Variants in TANC1 observed in about 807,000 individuals in gnomAD.
TANC1 encodes the protein tetratricopeptide repeat, ankyrin repeat and coiled-coil containing 1, also known as protein TANC1.
Under a neutral mutation model 149.7 loss-of-function variants are expected in TANC1, and 77 were observed. That is an observed-to-expected ratio of 0.51 (90% CI 0.43 to 0.62). TANC1 has a LOEUF of 0.62. Among genes scored for constraint, TANC1 ranks in the 20% least tolerant of loss-of-function variants. The pLI is 0.00. For missense variants in TANC1, 1,985 were observed against 2,321.8 expected (o/e 0.85, Z 2.98); for synonymous variants, 854 against 925.0 (o/e 0.92, Z 1.39).
chr2:159,179,261 T>C, intron 14 of TANC1, 98 bp downstream of exon 14: 1 of 1,441,866 alleles, frequency 6.9e-7, no homozygotes, highest in Non-Finnish European at 9.3e-7. Flanking sequence ...GGAAGGGCAA[T>C]CCAGAATGAC....
At chr2:159,177,700 A>G (rs1236670182) in intron 13 of TANC1, among the ~76,000 whole-genome samples, 1 of 152,246 alleles carries the variant, frequency 6.6e-6, no homozygotes, top group Non-Finnish European at 1.5e-5. Flanking sequence ...ACATTGTTAT[A>G]TTAAATGAGC....
At chr2:159,003,922 G>A (rs530932026) in intron 2 of TANC1, 1 of 1,612,878 alleles carries the variant, frequency 6.2e-7, no homozygotes, top group African/African-American at 1.3e-5. Flanking sequence ...GAAAGAAGAA[G>A]GTGGTACATA....
chr2:159,149,631 C>A, intron 6 of TANC1: 1 of 232,156 alleles, frequency 4.3e-6, no homozygotes, highest in Non-Finnish European at 8.5e-6. Context: ...CTTTCCTGTG[C>A]CTTTTTAGCT....
At chr2:159,089,002 C>G (rs1048179366) in intron 3 of TANC1, among the ~76,000 whole-genome samples, 2 of 152,078 alleles carry the variant, frequency 1.3e-5, no homozygotes, top group Non-Finnish European at 2.9e-5. Flanking sequence ...TTGGGGGAGG[C>G]TTATCAAAAG....
At chr2:159,019,441 C>T (rs890673444) in intron 2 of TANC1, among the ~76,000 whole-genome samples, 1 of 152,078 alleles carries the variant, frequency 6.6e-6, no homozygotes, top group Admixed American at 6.6e-5. Context: ...TGTTGGCAAC[C>T]TAATTCAGTT....
intron 2 of TANC1, among the ~76,000 whole-genome samples, chr2:159,029,678 G>A (rs1017338399): frequency 6.6e-6 from 1 of 151,760 alleles, no homozygotes; most frequent in Non-Finnish European, 1.5e-5. Flanking sequence ...GTCCTCCCAC[G>A]TCAGTCTCCT....
At chr2:159,137,548 G>C (rs542413694) in intron 5 of TANC1, among the ~76,000 whole-genome samples, 1 of 152,324 alleles carries the variant, frequency 6.6e-6, no homozygotes, top group South Asian at 2.1e-4. Context: ...AATGTTGCTG[G>C]TGAAGGTGGA....
At chr2:159,215,609 C>T (rs2059291459) in intron 19 of TANC1, among the ~76,000 whole-genome samples, 1 of 152,224 alleles carries the variant, frequency 6.6e-6, no homozygotes, top group African/African-American at 2.4e-5. Context: ...GAGCCCTTGG[C>T]TCCCGGGGCT....
intron 5 of TANC1, among the ~76,000 whole-genome samples, chr2:159,146,885 T>C (rs2052179424): frequency 6.6e-6 from 1 of 152,070 alleles, no homozygotes; most frequent in South Asian, 2.1e-4. Flanking sequence ...GAATCGCCAC[T>C]GCTCCCCAAC....
At chr2:159,112,949 T>A (rs563176865) in intron 4 of TANC1, among the ~76,000 whole-genome samples, 18 of 152,172 alleles carry the variant, frequency 1.2e-4, no homozygotes, top group South Asian at 4.2e-4. Context: ...TGGCATTTTT[T>A]AAAAAAATTT....
At position 159,230,254 on chromosome 2, in the gene TANC1, C is replaced by T. The variant is rs2060268514; in HGVS notation, c.4828C>T (p.Gln1610Ter). The T allele has an allele frequency of 6.2e-7, 1 of 1,613,860 alleles. No homozygotes were observed. Among genetic ancestry groups the T allele is most frequent in the Non-Finnish European group, 8.5e-7 (1 of 1,180,048 alleles). Residue 1610 changes from glutamine to a stop codon, truncating the protein, a stop_gained, in exon 27 of 27, where the codon CAG becomes TAG. Transcript: ENST00000263635. LOFTEE classifies it low-confidence loss of function (END_TRUNC). This position sits in a 1 kb window ranked among gnomAD's most constrained non-coding sequence, Gnocchi z 4.4. Reference sequence around the variant, plus strand: ...GGGCCCCAGCCAGAATGTCCGCCTGCAGTGTGGTGAGAATGGCCCTGCACA... The same window carrying T: ...GGGCCCCAGCCAGAATGTCCGCCTGTAGTGTGGTGAGAATGGCCCTGCACA... ...RLGPSQNVRL[Q>*]CGENGPAHPL...
chr2:159,003,994 A>G (rs1008505678), intron 2 of TANC1: 11 of 1,612,442 alleles, frequency 6.8e-6, no homozygotes, highest in Non-Finnish European at 9.3e-6. Context: ...GCTGTGAATA[A>G]TATAGCTGGT....
chr2:159,172,302 C>T (rs1239405613), intron 11 of TANC1, 30 bp downstream of exon 11: 2 of 1,600,754 alleles, frequency 1.2e-6, no homozygotes, highest in East Asian at 2.2e-5. Flanking sequence ...TGGAGCCTTC[C>T]ACATAGAGAG....
intron 2 of TANC1, among the ~76,000 whole-genome samples, chr2:159,042,899 G>T (rs2040763436): frequency 6.6e-6 from 1 of 152,104 alleles, no homozygotes. Flanking sequence ...TTTGAGAGAG[G>T]TTCTTGGCAT....
In TANC1 at chr2:158,984,155, C is replaced by G. The variant is rs140810599; in HGVS notation, c.-126+15373C>G. Among the ~76,000 whole-genome samples the G allele has an allele frequency of 2.0e-5, 3 of 152,316 alleles. No homozygotes were observed. In the East Asian group the frequency reaches 5.8e-4, roughly 29 times the overall value. On this transcript the variant is annotated intron_variant, in intron 1 of 26. Transcript: ENST00000263635. ...TGGTACTTGAGCTTTTTACACTTTT[C>G]CTCTACCATTACAAAGTTTTGTTTA...
rs116187790 is a variant in TANC1, at chr2:159,209,426, A to T, written c.3245-8071A>T. ...AACAAAGAACACAGTGAAGCTATGA[A>T]ATTTGGCTTCTGTAAATCTTAGTCC... On this transcript the variant is annotated intron_variant, in intron 19 of 26. Coordinates refer to ENST00000263635, the MANE Select transcript of TANC1 (RefSeq NM_033394.3). 5.7e-3 allele frequency among the ~76,000 whole-genome samples: 869 copies of T among 152,242 alleles called. 10 individuals are homozygous for T. The highest frequency in any genetic ancestry group is 0.02 in the African/African-American group (833 of 41,534).
chr2:159,216,984 C>A (rs1280147216), intron 19 of TANC1, among the ~76,000 whole-genome samples: 2 of 152,184 alleles, frequency 1.3e-5, no homozygotes, highest in East Asian at 3.9e-4. Flanking sequence ...CTGAGAAAAA[C>A]AAAAACAAAA....
In TANC1 at chr2:159,087,084, T is replaced by G. The variant is rs921521356; in HGVS notation, c.62-10553T>G. Among the ~76,000 whole-genome samples the G allele has an allele frequency of 7.8e-4, 119 of 152,218 alleles. 1 individual carries two copies. The highest frequency in any genetic ancestry group is 2.6e-3 in the African/African-American group (110 of 41,522). ...TCTGGCAGGCAGCATCAGTTATTGC[T>G]TTAAGGGTCTCCAGATAAAGTAAGA... On this transcript the variant is annotated intron_variant, in intron 3 of 26. Transcript: ENST00000263635.
chr2:159,213,478 A>G (rs1559470301), intron 19 of TANC1, among the ~76,000 whole-genome samples: 1 of 151,272 alleles, frequency 6.6e-6, no homozygotes, highest in Non-Finnish European at 1.5e-5. Context: ...CATTCTGCTA[A>G]TGGTATTTAT....
Sources: allele counts gnomAD v4.1 joint callset (sites outside exome capture counted in the v4.1 genomes callset), GRCh38; gene constraint gnomAD v4.1.1; non-coding constraint Gnocchi (gnomAD v3.1); transcripts MANE v1.5; gene names NCBI Gene and HGNC (gene_info 2026-07-23, HGNC 2026-07-21).